Variants in DIS3L2 observed in about 807,000 individuals in gnomAD.
The protein encoded by DIS3L2 is DIS3-like exonuclease 2.
In DIS3L2, 34 loss-of-function variants were observed where a neutral mutation model predicts 97.5. The ratio of observed to expected loss-of-function variants is 0.35; its 90% CI spans 0.27 to 0.46. The LOEUF is 0.46. DIS3L2 is among the 20% of genes least tolerant of loss of function. The pLI, the probability that DIS3L2 is intolerant of heterozygous loss-of-function variation, is 1.00. For missense variants in DIS3L2, 1,038 were observed against 1,146.0 expected, an observed-to-expected ratio of 0.91 and a Z score of 1.36; for synonymous variants, 435 against 445.2, an observed-to-expected ratio of 0.98 and a Z score of 0.29.
intron 1 of DIS3L2, among the ~76,000 whole-genome samples, chr2:231,987,857 G>C (rs1372601133): frequency 6.7e-6 from 1 of 148,914 alleles, no homozygotes; most frequent in East Asian, 1.9e-4. Context: ...TTTTTTTTTT[G>C]AGACAGAGTT....
chr2:232,132,627 C>T (rs966773808), intron 7 of DIS3L2, among the ~76,000 whole-genome samples: 3 of 152,118 alleles, frequency 2.0e-5, no homozygotes, highest in African/African-American at 7.2e-5. Context: ...GAGGGTGGCC[C>T]AGCTAGACTA....
intron 5 of DIS3L2, among the ~76,000 whole-genome samples, chr2:232,069,862 G>A (rs570413159): frequency 5.3e-5 from 8 of 152,192 alleles, no homozygotes; most frequent in African/African-American, 1.9e-4. Context: ...TGCACACACT[G>A]TCCCACAGAT....
At chr2:232,304,939 CT>C (rs901250051) in intron 14 of DIS3L2, among the ~76,000 whole-genome samples, 2 of 152,148 alleles carry the variant, frequency 1.3e-5, no homozygotes, top group Non-Finnish European at 2.9e-5. Context: ...TCTTTCCTCT[CT>C]TTTTTCTATT....
intron 7 of DIS3L2, among the ~76,000 whole-genome samples, chr2:232,134,374 ATTTCT>A (rs759680382): frequency 1.3e-5 from 2 of 152,156 alleles, no homozygotes; most frequent in Non-Finnish European, 2.9e-5. Context: ...TACAATTGTA[ATTTCT>A]TTTCTGATCA....
intron 5 of DIS3L2, among the ~76,000 whole-genome samples, chr2:232,065,678 G>GA (rs1368277129): frequency 6.6e-6 from 1 of 151,874 alleles, no homozygotes; most frequent in South Asian, 2.1e-4. Context: ...ATATTGATGG[G>GA]AAATTTAGAA....
chr2:231,992,179 G>A lies in DIS3L2; in HGVS notation c.-93-22656G>A, dbSNP rs1318485119. 2.0e-5 allele frequency among the ~76,000 whole-genome samples: 3 copies of A among 152,318 alleles called. No individual in the cohort carries two copies. The South Asian group carries it at 6.2e-4, about 32-fold the overall frequency. On this transcript the variant is annotated intron_variant, in intron 1 of 20. Coordinates refer to ENST00000325385, the MANE Select transcript of DIS3L2 (RefSeq NM_152383.5). ...AACATGACCCACTTGGGATTGTGGA[G>A]AAGGCATCCCAAGAGCTGGAGAAAT...
chr2:231,965,218 C>T (rs1005283258), intron 1 of DIS3L2, among the ~76,000 whole-genome samples: 1 of 152,184 alleles, frequency 6.6e-6, no homozygotes, highest in Admixed American at 6.5e-5. Context: ...TTCATTCATG[C>T]TCAAGAGTCT....
chr2:231,974,338 ACTGG>A (rs1236869839), intron 1 of DIS3L2, among the ~76,000 whole-genome samples: 2 of 152,180 alleles, frequency 1.3e-5, no homozygotes, highest in Non-Finnish European at 2.9e-5. Flanking sequence ...CTGGCAGCAG[ACTGG>A]CTGGAATAGC....
intron 6 of DIS3L2, among the ~76,000 whole-genome samples, chr2:232,113,019 A>G (rs563824069): frequency 6.6e-6 from 1 of 152,134 alleles, no homozygotes; most frequent in Admixed American, 6.5e-5. Flanking sequence ...TAGAAAAAAA[A>G]TGGGCTGTGA....
rs1695952397 is a variant in DIS3L2, at chr2:232,336,457, G to T, written c.2497-12G>T. 6.2e-7 allele frequency: 1 copy of T among 1,607,140 alleles called. No homozygotes were observed. Among genetic ancestry groups the T allele is most frequent in the African/African-American group, 1.3e-5 (1 of 74,864 alleles). On this transcript the variant is annotated splice_polypyrimidine_tract_variant and intron_variant, in intron 20 of 20. Coordinates refer to ENST00000325385, the MANE Select transcript of DIS3L2 (RefSeq NM_152383.5). ...TGCCATCCTTGTCCCCTCACGGCTG[G>T]GCTCTGCACAGGTCATCACCATCTT... is the stretch of plus-strand genomic sequence containing the variant.
intron 4 of DIS3L2, among the ~76,000 whole-genome samples, chr2:232,029,584 C>T (rs1049171275): frequency 1.3e-5 from 2 of 151,904 alleles, no homozygotes; most frequent in Non-Finnish European, 2.9e-5. Flanking sequence ...ACATCTCTTT[C>T]CTTCTCTTCT....
intron 13 of DIS3L2, among the ~76,000 whole-genome samples, chr2:232,278,405 C>T (rs1694201068): frequency 6.6e-6 from 1 of 152,164 alleles, no homozygotes; most frequent in Non-Finnish European, 1.5e-5. Flanking sequence ...ATTGCCACCA[C>T]AATCAAGATA....
In DIS3L2 at chr2:232,245,034, T is replaced by A. The variant is rs139391951; in HGVS notation, c.1318-4205T>A. On this transcript the variant is annotated intron_variant, in intron 11 of 20. Transcript: ENST00000325385. ...AGGGAAATAAAGAACCTTGAAGAAA[T>A]TATCCATGTGGTTCACACTGCATAG... 5.3e-5 allele frequency among the ~76,000 whole-genome samples: 8 copies of A among 152,196 alleles called. No homozygotes were observed. The East Asian group carries it at 9.7e-4, about 18-fold the overall frequency.
intron 9 of DIS3L2, among the ~76,000 whole-genome samples, chr2:232,177,246 A>T (rs1473775644): frequency 1.4e-5 from 2 of 144,554 alleles, no homozygotes; most frequent in Non-Finnish European, 3.0e-5. Flanking sequence ...TGCTATTGTG[A>T]ATAATGCCGC....
intron 8 of DIS3L2, among the ~76,000 whole-genome samples, chr2:232,143,716 A>G (rs1277601511): frequency 2.0e-5 from 3 of 152,100 alleles, no homozygotes; most frequent in Non-Finnish European, 4.4e-5. Context: ...TATATGTAAC[A>G]CTTCTATAAT....
At chr2:232,157,971 T>C (rs1690543585) in intron 8 of DIS3L2, among the ~76,000 whole-genome samples, 1 of 152,274 alleles carries the variant, frequency 6.6e-6, no homozygotes, top group African/African-American at 2.4e-5. Context: ...TCTGGACTCA[T>C]TTCAGTGGGC....
In DIS3L2 at chr2:232,269,113, C is replaced by T. The variant is rs942033107; in HGVS notation, c.1659+5673C>T. Among the ~76,000 whole-genome samples the T allele has an allele frequency of 1.3e-5, 2 of 152,214 alleles. No individual in the cohort carries two copies. The highest frequency in any genetic ancestry group is 4.8e-5 in the African/African-American group (2 of 41,458). The stretch of plus-strand genomic sequence containing the variant: ...CCAAGCCCACTTGCAGAGATGCTGG[C>T]TCTGCCTCGTGTAGGTGCGCTGAAG... On this transcript the variant is annotated intron_variant, in intron 13 of 20. Transcript: ENST00000325385. The surrounding 1 kb of genome is among the most constrained non-coding windows in gnomAD (Gnocchi z 4.5).
intron 14 of DIS3L2, among the ~76,000 whole-genome samples, chr2:232,315,502 C>A (rs562875647): frequency 6.6e-6 from 1 of 152,086 alleles, no homozygotes; most frequent in East Asian, 1.9e-4. Flanking sequence ...GCTGTGCTAT[C>A]TGTGGGGTAG....
chr2:231,966,250 C>T (rs1692710961), intron 1 of DIS3L2, among the ~76,000 whole-genome samples: 1 of 151,224 alleles, frequency 6.6e-6, no homozygotes, highest in Admixed American at 6.6e-5. Flanking sequence ...CTTACTGCAA[C>T]CTCCGCCTTG....
Sources: gnomAD v4.1 joint callset for allele counts (sites outside exome capture counted in the v4.1 genomes callset) on GRCh38, gnomAD v4.1.1 for gene constraint, Gnocchi (gnomAD v3.1) non-coding constraint, MANE v1.5 for transcripts, NCBI Gene and HGNC (gene_info 2026-07-23, HGNC 2026-07-21) for gene names.